TAFA1: variants seen among roughly 807,000 people sequenced by gnomAD.
TAFA1 encodes the protein chemokine-like protein TAFA-1.
TAFA1 carries 4 observed loss-of-function variants against 18.5 expected under a neutral mutation model. The observed-to-expected ratio is 0.22, with a 90% CI of 0.11 to 0.49. The LOEUF (loss-of-function observed/expected upper bound fraction) is 0.49, where lower values mean the gene tolerates loss of function less well. Ranked by LOEUF, TAFA1 falls within the 20% of genes least tolerant of loss-of-function variation. The pLI is 0.98. For synonymous variants in TAFA1, 56 were observed against 55.2 expected, an observed-to-expected ratio of 1.01 and a Z score of -0.06; for missense variants, 147 against 169.0, an observed-to-expected ratio of 0.87 and a Z score of 0.72.
chr3:68,276,343 G>A (rs971829969), intron 2 of TAFA1, among the ~76,000 whole-genome samples: 7 of 152,112 alleles, frequency 4.6e-5, no homozygotes, highest in African/African-American at 1.4e-4. Flanking sequence ...ATCGTTAGTC[G>A]CTACTCAATA....
chr3:68,349,180 CTA>C (rs1303026886), intron 2 of TAFA1, among the ~76,000 whole-genome samples: 3 of 151,772 alleles, frequency 2.0e-5, no homozygotes, highest in Non-Finnish European at 2.9e-5. Flanking sequence ...GTTATCTTGA[CTA>C]TCTCTTTTTT....
At chr3:68,105,036 C>T (rs997599105) in intron 2 of TAFA1, among the ~76,000 whole-genome samples, 15 of 152,032 alleles carry the variant, frequency 9.9e-5, no homozygotes, top group African/African-American at 3.6e-4. Context: ...AAAGGGAGAT[C>T]TGATGTATCA....
At chr3:68,196,069 G>A (rs61399422) in intron 2 of TAFA1, among the ~76,000 whole-genome samples, 6,848 of 151,742 alleles carry the variant, frequency 0.045, 181 homozygotes, top group East Asian at 0.09. Flanking sequence ...CAAAGCTGAG[G>A]TTTTGAGAAA....
At chr3:68,164,526 ATCT>A (rs1192073672) in intron 2 of TAFA1, among the ~76,000 whole-genome samples, 1 of 151,902 alleles carries the variant, frequency 6.6e-6, no homozygotes, top group Non-Finnish European at 1.5e-5. Context: ...TTTTTGCAGA[ATCT>A]TTTCTTTTTC....
intron 3 of TAFA1, among the ~76,000 whole-genome samples, chr3:68,518,709 G>A (rs1000023083): frequency 2.6e-5 from 4 of 152,098 alleles, no homozygotes; most frequent in Admixed American, 6.6e-5. Context: ...TGAGATAGGG[G>A]GAATGGAACA....
rs142225079 is a variant in TAFA1, at chr3:68,089,068, A to G, written c.118+82324A>G. Among the ~76,000 whole-genome samples the G allele has an allele frequency of 1.1e-4, 16 of 152,034 alleles. No individual in the cohort carries two copies. In the East Asian group the frequency reaches 2.3e-3, roughly 22 times the overall value. On this transcript the variant is annotated intron_variant, in intron 2 of 4. Transcript: ENST00000478136. The stretch of plus-strand genomic sequence containing the variant: ...TTCATGAGGATGAGTGGGGGAGGAG[A>G]GTCAATATTTTGGTTTTGCACGTGC...
At chr3:68,087,532 C>T (rs1410930222) in intron 2 of TAFA1, among the ~76,000 whole-genome samples, 1 of 142,286 alleles carries the variant, frequency 7.0e-6, no homozygotes, top group East Asian at 2.1e-4. Flanking sequence ...TCCTCCCTCC[C>T]TCCCTCCCTC....
chr3:68,062,913 GT>G (rs1302251457), intron 2 of TAFA1, among the ~76,000 whole-genome samples: 1 of 152,156 alleles, frequency 6.6e-6, no homozygotes, highest in East Asian at 1.9e-4. Context: ...AAAAGCACTA[GT>G]TTTTGACAGT....
chr3:68,390,029 G>A (rs970854604), intron 2 of TAFA1, among the ~76,000 whole-genome samples: 4 of 152,132 alleles, frequency 2.6e-5, no homozygotes, highest in Non-Finnish European at 5.9e-5. Context: ...TGGAAAGGGG[G>A]GTGAAGCAAG....
intron 2 of TAFA1, among the ~76,000 whole-genome samples, chr3:68,282,331 G>A (rs574742668): frequency 4.4e-4 from 67 of 152,190 alleles, no homozygotes; most frequent in South Asian, 1.0e-3. Flanking sequence ...GCACACTTAC[G>A]ACGGATCAGG....
intron 2 of TAFA1, among the ~76,000 whole-genome samples, chr3:68,268,039 T>G (rs2067582682): frequency 1.3e-5 from 2 of 152,202 alleles, no homozygotes; most frequent in South Asian, 4.1e-4. Flanking sequence ...TGCATTTTCC[T>G]TGTTCTTTGT....
chr3:68,491,069 G>A (rs1305611014), intron 3 of TAFA1, among the ~76,000 whole-genome samples: 2 of 151,938 alleles, frequency 1.3e-5, no homozygotes, highest in Admixed American at 6.6e-5. Context: ...AAACTCCCAG[G>A]CTCAAGCGAT....
At chr3:68,018,277 G>A (rs1704609382) in intron 2 of TAFA1, among the ~76,000 whole-genome samples, 1 of 152,116 alleles carries the variant, frequency 6.6e-6, no homozygotes, top group African/African-American at 2.4e-5. Context: ...TCAAAGAAGT[G>A]GCAACCATAT....
chr3:68,148,552 G>A (rs545038292), intron 2 of TAFA1, among the ~76,000 whole-genome samples: 8 of 152,192 alleles, frequency 5.3e-5, no homozygotes, highest in Non-Finnish European at 8.8e-5. Context: ...GAGAAAGTTC[G>A]TTCTGGGAAT....
At chr3:68,396,243 T>C (rs1276664140) in intron 2 of TAFA1, among the ~76,000 whole-genome samples, 5 of 152,142 alleles carry the variant, frequency 3.3e-5, no homozygotes, top group African/African-American at 1.2e-4. Context: ...ATGTAATATA[T>C]ACTGATATAA....
intron 2 of TAFA1, among the ~76,000 whole-genome samples, chr3:68,097,791 G>A (rs1454998065): frequency 6.6e-6 from 1 of 152,114 alleles, no homozygotes; most frequent in Non-Finnish European, 1.5e-5. Context: ...GATTACTAGA[G>A]GACCATGGAA....
At chr3:68,113,400 T>A (rs565850111) in intron 2 of TAFA1, among the ~76,000 whole-genome samples, 1 of 152,118 alleles carries the variant, frequency 6.6e-6, no homozygotes, top group East Asian at 1.9e-4. Context: ...TCACACCATT[T>A]ACAAAAATCA....
At chr3:68,452,850 C>T (rs2071589082) in intron 3 of TAFA1, among the ~76,000 whole-genome samples, 1 of 152,146 alleles carries the variant, frequency 6.6e-6, no homozygotes, top group African/African-American at 2.4e-5. Flanking sequence ...TTATTTAAGG[C>T]ATTTTTACTG....
chr3:68,254,263 G>A (rs2067255914), intron 2 of TAFA1, among the ~76,000 whole-genome samples: 1 of 152,006 alleles, frequency 6.6e-6, no homozygotes, highest in Non-Finnish European at 1.5e-5. Context: ...CACAGAACAT[G>A]AGAATTCAAT....
Sources: allele counts gnomAD v4.1 joint callset (sites outside exome capture counted in the v4.1 genomes callset), GRCh38; gene constraint gnomAD v4.1.1; transcripts MANE v1.5; gene names NCBI Gene and HGNC (gene_info 2026-07-23, HGNC 2026-07-21).